GLUD1: variants seen among roughly 807,000 people sequenced by gnomAD.
The protein encoded by GLUD1 is glutamate dehydrogenase 1, mitochondrial.
Under a neutral mutation model 56.0 loss-of-function variants are expected in GLUD1, and 22 were observed. That is an observed-to-expected ratio of 0.39 (90% CI 0.28 to 0.56). The LOEUF (loss-of-function observed/expected upper bound fraction) is 0.56, where lower values mean the gene tolerates loss of function less well. Ranked by LOEUF, GLUD1 falls within the 20% of genes least tolerant of loss-of-function variation. The probability of loss-of-function intolerance (pLI) is 0.58; values close to 1 mark genes in which losing one functional copy is unlikely to be tolerated. For synonymous variants in GLUD1, 223 were observed against 269.9 expected, an observed-to-expected ratio of 0.83 and a Z score of 1.70; for missense variants, 451 against 732.0, an observed-to-expected ratio of 0.62 and a Z score of 4.43.
At chr10:87,079,681 G>A (rs1257267607) in intron 1 of GLUD1, among the ~76,000 whole-genome samples, 2 of 152,092 alleles carry the variant, frequency 1.3e-5, no homozygotes, top group African/African-American at 4.8e-5. Flanking sequence ...GGGGAATCTG[G>A]CACGGTGCCC....
intron 4 of GLUD1, among the ~76,000 whole-genome samples, chr10:87,072,257 C>T (rs35027759): frequency 0.048 from 7,307 of 152,222 alleles, 289 homozygotes; most frequent in Non-Finnish European, 0.07. Context: ...AAGGACAAAA[C>T]CTTTTTGGGG....
At position 87,060,272 on chromosome 10, in the gene GLUD1, C is replaced by A. The variant is rs182913619; in HGVS notation, c.1198-31G>T. 1.3e-3 allele frequency: 1,879 copies of A among 1,395,138 alleles called. 1 individual carries two copies. The highest frequency in any genetic ancestry group is 1.8e-3 in the Non-Finnish European group (1,720 of 980,378). The allele number at this position is 1,395,138 out of a possible 1,614,324, so 86.4% of individuals were successfully genotyped here. A position where few individuals can be genotyped will look rare whatever the true frequency, so the allele number is the denominator to read the frequency against. On this transcript the variant is annotated intron_variant, in intron 8 of 12. Coordinates refer to ENST00000277865, the MANE Select transcript of GLUD1 (RefSeq NM_005271.5). ...AGAGAGTCAGGAACATAGAGAAATG[C>A]GAACACCACCGTCAAATCCCCTCCA... is the stretch of plus-strand genomic sequence containing the variant.
At chr10:87,076,792 T>C (rs986487810) in intron 1 of GLUD1, 136 bp from the exon 2 acceptor site, 2 of 710,668 alleles carry the variant, frequency 2.8e-6, no homozygotes, top group South Asian at 1.5e-5. Flanking sequence ...ATCCAAGCTA[T>C]GTCCAAAAAC....
rs568890008 is a variant in GLUD1 at position 87,051,201 on chromosome 10, T to C, written c.*550A>G. 39 of 180,324 alleles carry C rather than the reference T, an allele frequency of 2.2e-4. No homozygotes were observed. The highest frequency in any genetic ancestry group is 2.4e-4 in the Non-Finnish European group (18 of 75,014). The allele number at this position is 180,324 out of a possible 1,614,324, so 11.2% of individuals were successfully genotyped here. A position where few individuals can be genotyped will look rare whatever the true frequency, so the allele number is the denominator to read the frequency against. ...ATTTTATTACAGCAGCATGTACTTA[T>C]TCTATTCTAAAAGAATAATATTCAT... On this transcript the variant is annotated 3_prime_UTR_variant, in exon 13 of 13. Transcript: ENST00000277865.
At chr10:87,080,968 G>A (rs1418156215) in intron 1 of GLUD1, among the ~76,000 whole-genome samples, 2 of 142,984 alleles carry the variant, frequency 1.4e-5, no homozygotes, top group Non-Finnish European at 3.1e-5. Context: ...CGAGAGGGAG[G>A]TGGGGGGGTC....
At chr10:87,092,076 A>C (rs1211628213) in intron 1 of GLUD1, among the ~76,000 whole-genome samples, 3 of 152,090 alleles carry the variant, frequency 2.0e-5, no homozygotes, top group Non-Finnish European at 2.9e-5. Flanking sequence ...AAAAAGCTTT[A>C]AGAAAGAAGA....
At chr10:87,060,120 T>C (rs367584341) in intron 9 of GLUD1, 41 bp downstream of exon 9, 26 of 1,225,674 alleles carry the variant, frequency 2.1e-5, no homozygotes, top group Non-Finnish European at 2.9e-5. Flanking sequence ...ACTATTATGA[T>C]TCTAAGTACA....
chr10:87,072,883 T>C (rs1373179912), intron 4 of GLUD1, among the ~76,000 whole-genome samples: 1 of 152,192 alleles, frequency 6.6e-6, no homozygotes, highest in East Asian at 1.9e-4. Flanking sequence ...TATCTCAGAA[T>C]CAGTAGGCAC....
At chr10:87,092,324 A>G (rs1841527701) in intron 1 of GLUD1, among the ~76,000 whole-genome samples, 1 of 152,230 alleles carries the variant, frequency 6.6e-6, no homozygotes, top group African/African-American at 2.4e-5. Flanking sequence ...GTCACTTTGT[A>G]GAGGCCAATT....
Position 87,057,715 on chromosome 10 carries a change from C to T in GLUD1, c.1470G>A (p.Thr490=), listed in dbSNP as rs141844887. ...CCGATATCCTGTCTTGGAACTCTGC[C>T]GTGGGTACAATGGGAATAGTTCCAC... The part of the protein sequence containing the change: ...KHGGTIPIVP[T]AEFQDRISGA... The change falls in exon 11 of 13, where the codon ACG becomes ACA. Residue 490 remains threonine (T), a synonymous_variant. Coordinates refer to ENST00000277865, the MANE Select transcript of GLUD1 (RefSeq NM_005271.5). The T allele has an allele frequency of 1.4e-3, 2,278 of 1,588,530 alleles. 34 individuals are homozygous for T. In the African/African-American group the frequency reaches 0.027, roughly 19 times the overall value.
chr10:87,061,361 A>G (rs1845924718), intron 6 of GLUD1: 1 of 445,538 alleles, frequency 2.2e-6, no homozygotes, highest in Admixed American at 2.9e-5. Context: ...CGTCTCTACT[A>G]AAAATACAAA....
chr10:87,090,242 T>G (rs1415268841), intron 1 of GLUD1, among the ~76,000 whole-genome samples: 1 of 152,216 alleles, frequency 6.6e-6, no homozygotes, highest in Non-Finnish European at 1.5e-5. Flanking sequence ...TTAACAGCGG[T>G]AAACCTAATT....
At chr10:87,083,457 A>C (rs1310973879) in intron 1 of GLUD1, among the ~76,000 whole-genome samples, 1 of 152,202 alleles carries the variant, frequency 6.6e-6, no homozygotes, top group African/African-American at 2.4e-5. Context: ...ATACACATAC[A>C]AGAAAATCAG....
At chr10:87,087,651 T>C (rs1841415561) in intron 1 of GLUD1, among the ~76,000 whole-genome samples, 1 of 152,226 alleles carries the variant, frequency 6.6e-6, no homozygotes, top group South Asian at 2.1e-4. Context: ...CCCTTATTTC[T>C]CATTATTTAC....
chr10:87,090,495 C>A (rs2133860559), intron 1 of GLUD1, among the ~76,000 whole-genome samples: 1 of 152,312 alleles, frequency 6.6e-6, no homozygotes, highest in South Asian at 2.1e-4. Context: ...AGACTGAAAT[C>A]TGATGTACAG....
At chr10:87,087,377 T>C (rs1841407985) in intron 1 of GLUD1, among the ~76,000 whole-genome samples, 1 of 152,170 alleles carries the variant, frequency 6.6e-6, no homozygotes, top group South Asian at 2.1e-4. Flanking sequence ...GGTTCCATTA[T>C]GAGGGCATGA....
At chr10:87,075,369 CTAAG>C (rs1207300914) in intron 3 of GLUD1, among the ~76,000 whole-genome samples, 9 of 151,794 alleles carry the variant, frequency 5.9e-5, no homozygotes, top group East Asian at 1.9e-4. Flanking sequence ...TACGTTTTAA[CTAAG>C]TAAGAAAATA....
chr10:87,078,197 A>G (rs1303778731), intron 1 of GLUD1, among the ~76,000 whole-genome samples: 1 of 152,258 alleles, frequency 6.6e-6, no homozygotes, highest in Non-Finnish European at 1.5e-5. Flanking sequence ...TATCTTGTGT[A>G]TAACTGATTC....
At chr10:87,088,895 T>C (rs1841449247) in intron 1 of GLUD1, among the ~76,000 whole-genome samples, 1 of 152,240 alleles carries the variant, frequency 6.6e-6, no homozygotes, top group African/African-American at 2.4e-5. Flanking sequence ...AAATGAGTTG[T>C]TCTGGCTAAC....
Sources: gnomAD v4.1 joint callset for allele counts (sites outside exome capture counted in the v4.1 genomes callset) on GRCh38, gnomAD v4.1.1 for gene constraint, MANE v1.5 for transcripts, NCBI Gene and HGNC (gene_info 2026-07-23, HGNC 2026-07-21) for gene names.